The following CCDC178 variants were observed in gnomAD, a reference collection of about 807,000 sequenced individuals.
The protein encoded by CCDC178 is coiled-coil domain-containing protein 178.
CCDC178 carries 126 observed loss-of-function variants against 117.4 expected under a neutral mutation model. That is an observed-to-expected ratio of 1.07 (90% CI 0.93 to 1.24). The LOEUF (loss-of-function observed/expected upper bound fraction) is 1.24, where lower values mean the gene tolerates loss of function less well. Among genes scored for constraint, CCDC178 ranks in the 50% most tolerant of loss-of-function variants. The probability of loss-of-function intolerance (pLI) is 0.00; values close to 1 mark genes in which losing one functional copy is unlikely to be tolerated. For synonymous variants in CCDC178, 283 were observed against 313.4 expected, an observed-to-expected ratio of 0.90 and a Z score of 1.02; for missense variants, 1,030 against 986.9, an observed-to-expected ratio of 1.04 and a Z score of -0.59.
chr18:33,277,482 C>G (rs1175357857), intron 12 of CCDC178, among the ~76,000 whole-genome samples: 8 of 152,078 alleles, frequency 5.3e-5, no homozygotes, highest in African/African-American at 1.7e-4. Flanking sequence ...TGCCTATTTA[C>G]TATCTCATTT....
chr18:33,073,555 A>ATC (rs1567971425), intron 21 of CCDC178, among the ~76,000 whole-genome samples: 394 of 121,426 alleles, frequency 3.2e-3, no homozygotes, highest in African/African-American at 3.3e-3. Flanking sequence ...ATCTATCTAT[A>ATC]TATATATCTT....
chr18:33,409,275 G>A (rs2063820436), intron 3 of CCDC178, among the ~76,000 whole-genome samples: 1 of 151,984 alleles, frequency 6.6e-6, no homozygotes, highest in African/African-American at 2.4e-5. Flanking sequence ...TGTAAAGACA[G>A]GGTTTCACTC....
chr18:33,202,324 C>T (rs997034650), intron 20 of CCDC178, among the ~76,000 whole-genome samples: 18 of 117,666 alleles, frequency 1.5e-4, no homozygotes, highest in Non-Finnish European at 1.6e-4. Context: ...CCCGGTGGGG[C>T]GGGGGTTGCA....
chr18:32,968,618 A>G (rs1348944980), intron 22 of CCDC178, among the ~76,000 whole-genome samples: 2 of 152,022 alleles, frequency 1.3e-5, no homozygotes, highest in Non-Finnish European at 2.9e-5. Context: ...CATTAGAAAA[A>G]TCCAATTTTA....
intron 2 of CCDC178, chr18:33,437,869 G>A (rs941243301): frequency 2.6e-5 from 4 of 152,266 alleles, no homozygotes; most frequent in Middle Eastern, 3.4e-3. Context: ...CCAGTCACCA[G>A]CATATAATAA....
intron 20 of CCDC178, among the ~76,000 whole-genome samples, chr18:33,143,306 A>T (rs2058230753): frequency 6.6e-6 from 1 of 152,204 alleles, no homozygotes; most frequent in Non-Finnish European, 1.5e-5. Flanking sequence ...AGAATTTTAT[A>T]GAACATACAC....
chr18:33,419,025 C>T (rs1263547040), intron 2 of CCDC178, among the ~76,000 whole-genome samples: 1 of 151,742 alleles, frequency 6.6e-6, no homozygotes, highest in African/African-American at 2.4e-5. Context: ...ATAAAAAAAT[C>T]CCCACTTCAA....
At chr18:33,360,844 C>T (rs184783139) in intron 6 of CCDC178, among the ~76,000 whole-genome samples, 6 of 151,356 alleles carry the variant, frequency 4.0e-5, no homozygotes, top group Admixed American at 1.3e-4. Flanking sequence ...AGAAATTGAG[C>T]GTGATGCAAA....
chr18:33,001,349 C>T (rs1462248922), intron 21 of CCDC178, among the ~76,000 whole-genome samples: 1 of 151,830 alleles, frequency 6.6e-6, no homozygotes, highest in Non-Finnish European at 1.5e-5. Flanking sequence ...GAAACCCCTA[C>T]TAAAATACAA....
chr18:33,387,198 A>G (rs974099546), intron 5 of CCDC178, among the ~76,000 whole-genome samples: 5 of 152,168 alleles, frequency 3.3e-5, no homozygotes, highest in African/African-American at 4.8e-5. Context: ...CTGCTCAAGG[A>G]TATCAGAGAG....
intron 22 of CCDC178, chr18:32,954,363 T>C (rs887000515): frequency 6.6e-6 from 1 of 152,170 alleles, no homozygotes; most frequent in Non-Finnish European, 1.5e-5. Context: ...GAAGAAGATA[T>C]GTATGTATCA....
rs1168396436 is a variant in CCDC178 at position 33,201,397 on chromosome 18, A to AT, written c.2238+10498dup. Among the ~76,000 whole-genome samples, 8 of 152,266 alleles carry AT rather than the reference A, an allele frequency of 5.3e-5. No individual in the cohort carries two copies. The South Asian group carries it at 1.7e-3, about 32-fold the overall frequency. Reference sequence around the variant, plus strand: ...ATCTTCTGCCTTCACCAATGGACTGATGCCACTCTTTTTATCAGTGATGCT... The same window carrying AT: ...ATCTTCTGCCTTCACCAATGGACTGATTGCCACTCTTTTTATCAGTGATGCT... On this transcript the variant is annotated intron_variant, in intron 20 of 22. Transcript: ENST00000383096.
Position 33,215,709 on chromosome 18 carries a change from T to C in CCDC178, c.1933-14A>G, listed in dbSNP as rs370362165. Reference sequence around the variant, plus strand: ...TGAGCGTTTACTCTGAAAAAAAATATACACAAGTGTTTATTTTAAATACTT... The same window carrying C: ...TGAGCGTTTACTCTGAAAAAAAATACACACAAGTGTTTATTTTAAATACTT... On this transcript the variant is annotated splice_polypyrimidine_tract_variant and intron_variant, in intron 18 of 22. Coordinates refer to ENST00000383096, the MANE Select transcript of CCDC178 (RefSeq NM_001105528.4). 1.4e-5 allele frequency: 21 copies of C among 1,472,878 alleles called. No homozygotes were observed. The African/African-American group carries it at 2.5e-4, about 18-fold the overall frequency. The allele number at this position is 1,472,878 out of a possible 1,614,324, so 91.2% of individuals were successfully genotyped here.
intron 21 of CCDC178, among the ~76,000 whole-genome samples, chr18:32,979,321 G>T (rs556744668): frequency 1.3e-5 from 2 of 151,794 alleles, no homozygotes; most frequent in African/African-American, 4.8e-5. Context: ...CCCACGCTGG[G>T]CTAATTTTTG....
intron 14 of CCDC178, among the ~76,000 whole-genome samples, chr18:33,254,940 G>A (rs184534085): frequency 3.3e-5 from 5 of 152,122 alleles, no homozygotes; most frequent in Admixed American, 1.3e-4. Flanking sequence ...GTTACAGGGT[G>A]GGGTCTAGCA....
intron 18 of CCDC178, among the ~76,000 whole-genome samples, chr18:33,222,317 T>G (rs1212139176): frequency 6.7e-6 from 1 of 148,550 alleles, no homozygotes; most frequent in African/African-American, 2.5e-5. Context: ...TCCTCCCTTC[T>G]TCCCTCCCTT....
At chr18:33,400,036 T>A (rs1420832082) in intron 3 of CCDC178, among the ~76,000 whole-genome samples, 2 of 152,056 alleles carry the variant, frequency 1.3e-5, no homozygotes, top group African/African-American at 4.8e-5. Context: ...AATCTACTCG[T>A]ACATCTCCAT....
chr18:33,413,832 C>T (rs1375402607), intron 2 of CCDC178, among the ~76,000 whole-genome samples: 1 of 152,094 alleles, frequency 6.6e-6, no homozygotes, highest in Non-Finnish European at 1.5e-5. Flanking sequence ...TTAACCCATT[C>T]CTAGGACTGA....
chr18:33,018,769 T>G (rs549965104), intron 21 of CCDC178, among the ~76,000 whole-genome samples: 6 of 152,122 alleles, frequency 3.9e-5, no homozygotes, highest in African/African-American at 1.4e-4. Context: ...CTATTAAGTA[T>G]GGAACTTCTT....
Sources: gnomAD v4.1 joint callset for allele counts (sites outside exome capture counted in the v4.1 genomes callset) on GRCh38, gnomAD v4.1.1 for gene constraint, MANE v1.5 for transcripts, NCBI Gene and HGNC (gene_info 2026-07-23, HGNC 2026-07-21) for gene names.